RIMS2: variants seen among roughly 807,000 people sequenced by gnomAD.
RIMS2 encodes regulating synaptic membrane exocytosis protein 2.
Under a neutral mutation model 174.4 loss-of-function variants are expected in RIMS2, and 59 were observed. The observed-to-expected ratio is 0.34, with a 90% confidence interval of 0.27 to 0.42. The LOEUF is 0.42. RIMS2 is among the 10% of genes least tolerant of loss of function. The pLI, the probability that RIMS2 is intolerant of heterozygous loss-of-function variation, is 1.00. For synonymous variants in RIMS2, 606 were observed against 572.5 expected (o/e 1.06, Z -0.84); for missense variants, 1,620 against 1,666.3 (o/e 0.97, Z 0.48).
intron 19 of RIMS2, among the ~76,000 whole-genome samples, chr8:104,135,371 C>A (rs2098509909): frequency 6.6e-6 from 1 of 151,994 alleles, no homozygotes; most frequent in South Asian, 2.1e-4. Flanking sequence ...CCAAGGCAGG[C>A]AGATGGCTCA....
chr8:103,965,970 AG>A (rs2091703490), intron 15 of RIMS2, among the ~76,000 whole-genome samples: 1 of 152,110 alleles, frequency 6.6e-6, no homozygotes, highest in Non-Finnish European at 1.5e-5. Flanking sequence ...ATGTGGAAAC[AG>A]CTTTGTGTAT....
chr8:103,711,443 A>T (rs2097302310), intron 2 of RIMS2, among the ~76,000 whole-genome samples: 1 of 152,232 alleles, frequency 6.6e-6, no homozygotes, highest in East Asian at 1.9e-4. Context: ...GAATCATTAT[A>T]ATAGCAATTT....
At chr8:103,820,568 C>T (rs1056018771) in intron 3 of RIMS2, among the ~76,000 whole-genome samples, 1 of 151,476 alleles carries the variant, frequency 6.6e-6, no homozygotes, top group Admixed American at 6.6e-5. Flanking sequence ...AAAAAAATAC[C>T]GGTTATACAA....
intron 2 of RIMS2, among the ~76,000 whole-genome samples, chr8:103,699,994 A>T (rs2097149919): frequency 6.6e-6 from 1 of 152,148 alleles, no homozygotes; most frequent in Non-Finnish European, 1.5e-5. Context: ...ATGGCCCAGA[A>T]TATGGTTACT....
At chr8:104,055,399 C>A (rs2154559401) in intron 19 of RIMS2, among the ~76,000 whole-genome samples, 1 of 152,172 alleles carries the variant, frequency 6.6e-6, no homozygotes, top group South Asian at 2.1e-4. Flanking sequence ...ATAATATCTC[C>A]TTTAATGTGG....
chr8:104,248,746 T>C (rs1393754341), exon 21 of RIMS2: 1 of 1,613,650 alleles, frequency 6.2e-7, no homozygotes, highest in Non-Finnish European at 8.5e-7. Flanking sequence ...GCCAGTTCAG[T>C]GATTTCCTGG....
At chr8:103,645,820 T>C (rs2096316278) in intron 1 of RIMS2, among the ~76,000 whole-genome samples, 1 of 152,088 alleles carries the variant, frequency 6.6e-6, no homozygotes, top group African/African-American at 2.4e-5. Context: ...TTAATTTTAA[T>C]AAAGGAATAT....
chr8:103,664,964 A>G (rs964940736), intron 1 of RIMS2, among the ~76,000 whole-genome samples: 1 of 152,230 alleles, frequency 6.6e-6, no homozygotes, highest in Non-Finnish European at 1.5e-5. Flanking sequence ...GGATGAGTTC[A>G]TGTCCTTTGC....
chr8:104,124,772 A>G (rs1359492887), intron 19 of RIMS2, among the ~76,000 whole-genome samples: 1 of 152,184 alleles, frequency 6.6e-6, no homozygotes, highest in Non-Finnish European at 1.5e-5. Context: ...AGCTTTATGG[A>G]ATTTTCACCA....
intron 12 of RIMS2, among the ~76,000 whole-genome samples, chr8:103,936,266 C>T (rs1416337398): frequency 6.6e-6 from 1 of 151,910 alleles, no homozygotes; most frequent in South Asian, 2.1e-4. Flanking sequence ...ATTCTCAAGT[C>T]TGGTTTTATT....
chr8:104,060,555 G>A (rs1049226517), intron 19 of RIMS2, among the ~76,000 whole-genome samples: 4 of 150,762 alleles, frequency 2.7e-5, no homozygotes, highest in Admixed American at 2.0e-4. Context: ...AGGGTTTTTT[G>A]TGTCTCTATT....
At chr8:104,136,810 G>A (rs925875026) in intron 19 of RIMS2, among the ~76,000 whole-genome samples, 4 of 152,050 alleles carry the variant, frequency 2.6e-5, no homozygotes, top group African/African-American at 9.7e-5. Context: ...GGTGGAGGGT[G>A]GGAGGAGGGA....
intron 1 of RIMS2, among the ~76,000 whole-genome samples, chr8:103,673,614 G>T (rs1430760455): frequency 6.6e-6 from 1 of 152,156 alleles, no homozygotes; most frequent in Non-Finnish European, 1.5e-5. Context: ...AGCATGCCAG[G>T]TGCCATGTCT....
intron 19 of RIMS2, among the ~76,000 whole-genome samples, chr8:104,170,943 T>G (rs945760949): frequency 1.3e-5 from 2 of 152,162 alleles, no homozygotes; most frequent in African/African-American, 4.8e-5. Context: ...AATTTTTGGC[T>G]GACAGTTATT....
intron 19 of RIMS2, among the ~76,000 whole-genome samples, chr8:104,044,124 A>G (rs2096653211): frequency 6.6e-6 from 1 of 151,572 alleles, no homozygotes; most frequent in African/African-American, 2.4e-5. Context: ...TCCATTCATG[A>G]TACGAAAGGA....
chr8:104,100,950 T>TATATAAG (rs1555225610), intron 19 of RIMS2, among the ~76,000 whole-genome samples: 1 of 131,136 alleles, frequency 7.6e-6, no homozygotes, highest in East Asian at 2.1e-4. Context: ...TATTATATAG[T>TATATAAG]ATATATGATA....
At chr8:103,857,529 T>C (rs1482065957) in intron 3 of RIMS2, among the ~76,000 whole-genome samples, 3 of 152,178 alleles carry the variant, frequency 2.0e-5, no homozygotes, top group Non-Finnish European at 4.4e-5. Flanking sequence ...GGAATATTTT[T>C]GTTTATTTTA....
chr8:104,071,219 G>C (rs1221424053), intron 19 of RIMS2, among the ~76,000 whole-genome samples: 1 of 152,052 alleles, frequency 6.6e-6, no homozygotes, highest in African/African-American at 2.4e-5. Context: ...AATGCTTAAG[G>C]CTTCAAAGTT....
At chr8:103,878,104 T>C (rs1445821493) in intron 3 of RIMS2, among the ~76,000 whole-genome samples, 1 of 151,748 alleles carries the variant, frequency 6.6e-6, no homozygotes, top group Non-Finnish European at 1.5e-5. Flanking sequence ...TCACGATATC[T>C]GATGGTTTTA....
Sources: allele counts gnomAD v4.1 joint callset (sites outside exome capture counted in the v4.1 genomes callset), GRCh38; gene constraint gnomAD v4.1.1; transcripts MANE v1.5; gene names NCBI Gene and HGNC (gene_info 2026-07-23, HGNC 2026-07-21).